Variants in ZNF652 observed in about 807,000 individuals in gnomAD.
ZNF652 encodes zinc finger protein 652.
ZNF652 carries 16 observed loss-of-function variants against 45.2 expected under a neutral mutation model. The ratio of observed to expected loss-of-function variants is 0.35; its 90% CI spans 0.24 to 0.54. The LOEUF is 0.54. Ranked by LOEUF, ZNF652 falls within the 20% of genes least tolerant of loss-of-function variation. The pLI, the probability that ZNF652 is intolerant of heterozygous loss-of-function variation, is 0.91. For synonymous variants in ZNF652, 250 were observed against 260.6 expected (o/e 0.96, Z 0.39); for missense variants, 614 against 765.6 (o/e 0.80, Z 2.34).
intron 1 of ZNF652, among the ~76,000 whole-genome samples, chr17:49,348,365 C>T (rs1263475567): frequency 6.6e-6 from 1 of 151,446 alleles, no homozygotes; most frequent in Non-Finnish European, 1.5e-5. Context: ...TGTGTGTGTG[C>T]CTCCCAGCTA....
In ZNF652 at chr17:49,311,907, G is replaced by A; in HGVS notation, c.1164+20C>T. 1 of 1,594,648 alleles carries A rather than the reference G, an allele frequency of 6.3e-7. No homozygotes were observed. The highest frequency in any genetic ancestry group is 1.1e-5 in the South Asian group (1 of 90,466). ...AACACTAGCCCCTAGGCCTGGGCCT[G>A]TAGGTAGCACATTCCTTACCTCGCA... On this transcript the variant is annotated intron_variant, in intron 4 of 5. Coordinates refer to ENST00000430262, the MANE Select transcript of ZNF652 (RefSeq NM_001145365.3).
intron 5 of ZNF652, among the ~76,000 whole-genome samples, chr17:49,310,829 G>A (rs967744914): frequency 2.0e-5 from 3 of 152,228 alleles, no homozygotes; most frequent in Non-Finnish European, 4.4e-5. Flanking sequence ...TTGAGCCTGG[G>A]AGGCGGAGGC....
chr17:49,355,846 C>T (rs2070330514), intron 1 of ZNF652, among the ~76,000 whole-genome samples: 1 of 151,540 alleles, frequency 6.6e-6, no homozygotes, highest in Non-Finnish European at 1.5e-5. Context: ...TGCAGTGAGC[C>T]GAGATTGCAC....
intron 1 of ZNF652, among the ~76,000 whole-genome samples, chr17:49,343,900 T>G (rs1173408876): frequency 6.6e-6 from 1 of 151,870 alleles, no homozygotes; most frequent in Non-Finnish European, 1.5e-5. Flanking sequence ...ACAAAAAACT[T>G]AAAAATTAGC....
At chr17:49,321,168 T>C (rs2069886512) in intron 1 of ZNF652, among the ~76,000 whole-genome samples, 1 of 152,210 alleles carries the variant, frequency 6.6e-6, no homozygotes, top group Non-Finnish European at 1.5e-5. Flanking sequence ...CTTTTCCTTC[T>C]GGCACAGTGG....
In ZNF652 at chr17:49,333,545, T is replaced by TAAAAAAAA. The variant is rs1182199037; in HGVS notation, c.-258-15570_-258-15563dup. 5.0e-4 allele frequency among the ~76,000 whole-genome samples: 24 copies of TAAAAAAAA among 48,108 alleles called. 1 individual carries two copies. Among genetic ancestry groups the TAAAAAAAA allele is most frequent in the Non-Finnish European group, 7.0e-4 (19 of 27,182 alleles). The allele number at this position is 48,108 out of a possible 152,430, so 31.6% of individuals were successfully genotyped here. A position where few individuals can be genotyped will look rare whatever the true frequency, so the allele number is the denominator to read the frequency against. On this transcript the variant is annotated intron_variant, in intron 1 of 5. Transcript: ENST00000430262. The stretch of plus-strand genomic sequence containing the variant: ...TAACATAGTGAAACCCTGTCTCTAC[T>TAAAAAAAA]AAAAAAAAAAAAAAAAAAAAAAAAA...
chr17:49,304,022 G>A (rs1170905555), intron 5 of ZNF652, among the ~76,000 whole-genome samples: 1 of 150,928 alleles, frequency 6.6e-6, no homozygotes, highest in Non-Finnish European at 1.5e-5. Context: ...CCGAGTAGCT[G>A]GGACTACAGG....
chr17:49,325,272 G>A (rs1461798891), intron 1 of ZNF652, among the ~76,000 whole-genome samples: 2 of 152,046 alleles, frequency 1.3e-5, no homozygotes, highest in African/African-American at 4.8e-5. Flanking sequence ...TTTCAATATT[G>A]TTGTATCTCA....
At chr17:49,360,039 C>T (rs192687229) in intron 1 of ZNF652, among the ~76,000 whole-genome samples, 76 of 152,316 alleles carry the variant, frequency 5.0e-4, no homozygotes, top group African/African-American at 1.7e-3. Context: ...CAGGAACATA[C>T]ATTACCAATT....
At chr17:49,348,948 A>T (rs2070241140) in intron 1 of ZNF652, among the ~76,000 whole-genome samples, 1 of 152,162 alleles carries the variant, frequency 6.6e-6, no homozygotes, top group African/African-American at 2.4e-5. Context: ...TATGCTTCTG[A>T]ATGAAACTGA....
intron 1 of ZNF652, among the ~76,000 whole-genome samples, chr17:49,340,540 ACT>A (rs1567696060): frequency 7.8e-6 from 1 of 128,978 alleles, no homozygotes; most frequent in Non-Finnish European, 1.6e-5. Context: ...ACAAAGCGAG[ACT>A]CTGTCTCAAA....
At chr17:49,312,626 C>T in intron 3 of ZNF652, 72 bp downstream of exon 3, 1 of 1,529,848 alleles carries the variant, frequency 6.5e-7, no homozygotes, top group Non-Finnish European at 8.8e-7. Context: ...ATATCCTGCC[C>T]AATCCAGGGC....
Position 49,357,016 on chromosome 17 carries a change from A to G in ZNF652, c.-259+4893T>C, listed in dbSNP as rs558469319. Among the ~76,000 whole-genome samples the G allele has an allele frequency of 8.9e-4, 133 of 149,896 alleles. 1 individual carries two copies. Among genetic ancestry groups the G allele is most frequent in the African/African-American group, 3.1e-3 (128 of 40,938 alleles). ...ATGTTTTAAAAAAAAAAAAAAAAAG[A>G]GGCTGGGCACAGTGGCTCACGCCTG... is the stretch of plus-strand genomic sequence containing the variant. On this transcript the variant is annotated intron_variant, in intron 1 of 5. Coordinates refer to ENST00000430262, the MANE Select transcript of ZNF652 (RefSeq NM_001145365.3).
intron 5 of ZNF652, among the ~76,000 whole-genome samples, chr17:49,300,766 T>C (rs1321222970): frequency 6.6e-6 from 1 of 152,212 alleles, no homozygotes; most frequent in East Asian, 1.9e-4. Flanking sequence ...ATTCTACTCA[T>C]GTGTATTGGG....
chr17:49,353,123 A>T (rs1057142727), intron 1 of ZNF652, among the ~76,000 whole-genome samples: 1 of 152,198 alleles, frequency 6.6e-6, no homozygotes, highest in Non-Finnish European at 1.5e-5. Context: ...ATATTAATTT[A>T]AAAAATAAAT....
Position 49,297,498 on chromosome 17 carries a change from G to A in ZNF652, c.*915C>T, listed in dbSNP as rs1490498905. Reference sequence around the variant, plus strand: ...GAAGCCAAGCAGAACATGGAGGACAGGAGCACATTAGGGAGCCTCTCTTGA... The same window carrying A: ...GAAGCCAAGCAGAACATGGAGGACAAGAGCACATTAGGGAGCCTCTCTTGA... On this transcript the variant is annotated 3_prime_UTR_variant, in exon 6 of 6. Transcript: ENST00000430262. The A allele has an allele frequency of 6.6e-6, 1 of 152,492 alleles. No individual in the cohort carries two copies. The highest frequency in any genetic ancestry group is 2.4e-5 in the African/African-American group (1 of 41,438). 9.4% of individuals were successfully genotyped at this position (152,492 alleles called of 1,614,324 possible).
At chr17:49,339,560 C>T (rs1342909257) in intron 1 of ZNF652, among the ~76,000 whole-genome samples, 2 of 152,124 alleles carry the variant, frequency 1.3e-5, no homozygotes, top group African/African-American at 4.8e-5. Context: ...AATCTGGCCT[C>T]TATCAATGGG....
rs565002885 is a variant in ZNF652 at position 49,334,871 on chromosome 17, A to G, written c.-258-16888T>C. ...TGCTAAGTGAAAGAAGCCAGACATA[A>G]CAGGCTACCTAGTTGTATGACTCTA... On this transcript the variant is annotated intron_variant, in intron 1 of 5. Transcript: ENST00000430262. Among the ~76,000 whole-genome samples, 20 of 152,288 alleles carry G rather than the reference A, an allele frequency of 1.3e-4. No individual in the cohort carries two copies. The East Asian group carries it at 3.9e-3, about 29-fold the overall frequency.
At position 49,292,816 on chromosome 17, in the gene ZNF652, TA is replaced by T. The variant is rs996780772; in HGVS notation, c.*5596del. Among the ~76,000 whole-genome samples, 3 of 152,144 alleles carry T rather than the reference TA, an allele frequency of 2.0e-5. No homozygotes were observed. Among genetic ancestry groups the T allele is most frequent in the Non-Finnish European group, 4.4e-5 (3 of 68,020 alleles). On this transcript the variant is annotated 3_prime_UTR_variant, in exon 6 of 6. Transcript: ENST00000430262. ...ATAAATAAAAGTTAAAAATATAACC[TA>T]AAAATGACATGGAGGAACAAAACAG...
Sources: gnomAD v4.1 joint callset for allele counts (sites outside exome capture counted in the v4.1 genomes callset) on GRCh38, gnomAD v4.1.1 for gene constraint, MANE v1.5 for transcripts, NCBI Gene and HGNC (gene_info 2026-07-23, HGNC 2026-07-21) for gene names.